Variants in DNAH7 observed in about 807,000 individuals in gnomAD.
DNAH7 encodes the protein axonemal beta dynein heavy chain 7.
Under a neutral mutation model 444.6 loss-of-function variants are expected in DNAH7, and 397 were observed. The ratio of observed to expected loss-of-function variants is 0.89; its 90% CI spans 0.82 to 0.97. DNAH7 has a LOEUF of 0.97. Among genes scored for constraint, DNAH7 ranks in the 50% least tolerant of loss-of-function variants. The pLI is 0.00. For missense variants in DNAH7, 4,902 were observed against 4,800.8 expected (o/e 1.02, Z -0.62); for synonymous variants, 1,636 against 1,624.4 (o/e 1.01, Z -0.17).
chr2:195,741,402 T>A (rs1693024223), intron 63 of DNAH7, among the ~76,000 whole-genome samples: 1 of 152,150 alleles, frequency 6.6e-6, no homozygotes, highest in Admixed American at 6.5e-5. Context: ...CATGATGAAC[T>A]CTCTCTAGAA....
At chr2:195,916,694 C>T (rs1021439795) in intron 24 of DNAH7, among the ~76,000 whole-genome samples, 2 of 152,064 alleles carry the variant, frequency 1.3e-5, no homozygotes, top group African/African-American at 4.8e-5. Context: ...CCCATCTCTA[C>T]TAAAAATATA....
At chr2:195,940,434 C>A (rs77058627) in intron 19 of DNAH7, among the ~76,000 whole-genome samples, 18 of 152,188 alleles carry the variant, frequency 1.2e-4, no homozygotes, top group African/African-American at 4.3e-4. Context: ...AAAAAGAAAA[C>A]CTAGGCAATA....
chr2:195,995,605 A>T (rs1309568350), intron 12 of DNAH7: 1 of 294,000 alleles, frequency 3.4e-6, no homozygotes, highest in East Asian at 9.7e-5. Flanking sequence ...CCAGCTAGAG[A>T]GGGGACCCGG....
chr2:195,737,835 C>G lies in DNAH7; in HGVS notation c.*86G>C. Reference sequence around the variant, plus strand: ...CTTTAGTCAAATGTATTTAAACAAACAAAAAAAAAGGTTTAAGTAGTAAAA... The same window carrying G: ...CTTTAGTCAAATGTATTTAAACAAAGAAAAAAAAAGGTTTAAGTAGTAAAA... On this transcript the variant is annotated 3_prime_UTR_variant, in exon 65 of 65. Coordinates refer to ENST00000312428, the MANE Select transcript of DNAH7 (RefSeq NM_018897.3). The G allele has an allele frequency of 8.4e-7, 1 of 1,189,150 alleles. No homozygotes were observed. The highest frequency in any genetic ancestry group is 1.6e-5 in the African/African-American group (1 of 63,152). The allele number at this position is 1,189,150 out of a possible 1,614,324, so 73.7% of individuals were successfully genotyped here.
At chr2:195,739,936 A>G (rs1001893928) in intron 64 of DNAH7, among the ~76,000 whole-genome samples, 1 of 151,964 alleles carries the variant, frequency 6.6e-6, no homozygotes, top group African/African-American at 2.4e-5. Context: ...TTTGTTGGCG[A>G]TTTCACTGTT....
chr2:195,989,611 T>C (rs1035393478), intron 12 of DNAH7, among the ~76,000 whole-genome samples: 1 of 152,220 alleles, frequency 6.6e-6, no homozygotes, highest in African/African-American at 2.4e-5. Context: ...TTTGAATATA[T>C]GTCCCTGCCA....
intron 48 of DNAH7, among the ~76,000 whole-genome samples, chr2:195,827,051 A>C (rs571530649): frequency 6.6e-6 from 1 of 152,286 alleles, no homozygotes; most frequent in South Asian, 2.1e-4. Context: ...ACCCAACCAT[A>C]GTCATATGGC....
rs750947539 is a variant in DNAH7, at chr2:195,900,422, C to T, written c.4408G>A (p.Gly1470Arg). The change falls in exon 28 of 65, where the codon GGG becomes AGG. Residue 1470 changes from glycine to arginine, a missense_variant. Transcript: ENST00000312428. The part of the protein sequence containing the change: ...MIAEIVLYSC[G>R]FVTARPLSVK... The stretch of plus-strand genomic sequence containing the variant: ...GACAGTGGTCGAGCAGTGACAAACC[C>T]ACAGGAGTATAGGACTATTTCAGCA... 2 of 1,613,988 alleles carry T rather than the reference C, an allele frequency of 1.2e-6. No homozygotes were observed. The highest frequency in any genetic ancestry group is 2.2e-5 in the East Asian group (1 of 44,878).
chr2:195,762,865 G>A (rs906275197), intron 61 of DNAH7, among the ~76,000 whole-genome samples: 7 of 151,972 alleles, frequency 4.6e-5, no homozygotes, highest in African/African-American at 1.7e-4. Context: ...AAACTGCACC[G>A]CAGACCAAAT....
chr2:196,003,210 A>G (rs1232457781), intron 10 of DNAH7, among the ~76,000 whole-genome samples: 1 of 151,920 alleles, frequency 6.6e-6, no homozygotes, highest in African/African-American at 2.4e-5. Flanking sequence ...CCCTGAGAGA[A>G]AGATTCAAAG....
intron 1 of DNAH7, among the ~76,000 whole-genome samples, chr2:196,059,009 C>G (rs1197177178): frequency 1.3e-5 from 2 of 151,606 alleles, no homozygotes; most frequent in Admixed American, 6.6e-5. Flanking sequence ...ATTAGGAGTT[C>G]AGAAATAAAC....
At chr2:195,916,974 C>A (rs549435449) in intron 24 of DNAH7, among the ~76,000 whole-genome samples, 63 of 145,742 alleles carry the variant, frequency 4.3e-4, no homozygotes, top group African/African-American at 1.6e-3. Context: ...TGGTGGCGGG[C>A]GCCTGTAGTC....
chr2:196,015,388 T>C (rs1052381890), intron 9 of DNAH7, among the ~76,000 whole-genome samples: 2 of 152,218 alleles, frequency 1.3e-5, no homozygotes, highest in African/African-American at 4.8e-5. Flanking sequence ...CCTAGATTCA[T>C]CTTCATCAAA....
chr2:195,862,609 C>T (rs920159271), intron 41 of DNAH7, among the ~76,000 whole-genome samples: 1 of 152,148 alleles, frequency 6.6e-6, no homozygotes, highest in Non-Finnish European at 1.5e-5. Context: ...CCCCACAGTT[C>T]CTGTGCTCCT....
chr2:196,003,493 A>C (rs1694174927), intron 10 of DNAH7, among the ~76,000 whole-genome samples: 1 of 152,242 alleles, frequency 6.6e-6, no homozygotes, highest in Non-Finnish European at 1.5e-5. Context: ...CTTAATTCTC[A>C]AAGTGCTTAA....
At chr2:195,800,786 T>C (rs781745504) in intron 54 of DNAH7, among the ~76,000 whole-genome samples, 37 of 152,104 alleles carry the variant, frequency 2.4e-4, no homozygotes, top group Non-Finnish European at 5.0e-4. Context: ...AATCAATTGA[T>C]ACCTATTTTT....
intron 47 of DNAH7, among the ~76,000 whole-genome samples, chr2:195,834,663 A>G (rs763173686): frequency 3.7e-4 from 56 of 152,318 alleles, no homozygotes; most frequent in Non-Finnish European, 6.5e-4. Context: ...TAATTATGTC[A>G]CAGTGACAAC....
chr2:196,039,507 G>A (rs532083607), intron 5 of DNAH7, among the ~76,000 whole-genome samples: 4 of 152,000 alleles, frequency 2.6e-5, no homozygotes, highest in Non-Finnish European at 4.4e-5. Flanking sequence ...AACTAAATAA[G>A]AGACCAAAAT....
intron 28 of DNAH7, among the ~76,000 whole-genome samples, chr2:195,898,900 A>C (rs2125256688): frequency 6.6e-6 from 1 of 152,348 alleles, no homozygotes; most frequent in Non-Finnish European, 1.5e-5. Flanking sequence ...ATCCAAACTC[A>C]GAATTATTTC....
Sources: gnomAD v4.1 joint callset for allele counts (sites outside exome capture counted in the v4.1 genomes callset) on GRCh38, gnomAD v4.1.1 for gene constraint, MANE v1.5 for transcripts, NCBI Gene and HGNC (gene_info 2026-07-23, HGNC 2026-07-21) for gene names.